The following ANKRD36C variants were observed in gnomAD, a reference collection of about 807,000 sequenced individuals.
ANKRD36C encodes ankyrin repeat domain 36C, also known as ankyrin repeat domain-containing protein 36C.
Under a neutral mutation model 276.4 loss-of-function variants are expected in ANKRD36C, and 61 were observed. The observed-to-expected ratio is 0.22, with a 90% CI of 0.18 to 0.27. ANKRD36C has a LOEUF of 0.27. Ranked by LOEUF, ANKRD36C falls within the 10% of genes least tolerant of loss-of-function variation. ANKRD36C has a pLI of 1.00. For synonymous variants in ANKRD36C, 483 were observed against 680.1 expected (o/e 0.71, Z 4.51); for missense variants, 1,447 against 2,032.3 (o/e 0.71, Z 5.54).
exon 1 of ANKRD36C, chr2:95,991,533 T>C (rs1679139500): frequency 1.9e-6 from 3 of 1,608,536 alleles, no homozygotes; most frequent in South Asian, 1.1e-5. Flanking sequence ...GTCTCTCTTA[T>C]TGATGTCATA....
chr2:95,985,143 T>C (rs548956189), intron 3 of ANKRD36C, among the ~76,000 whole-genome samples: 3 of 152,298 alleles, frequency 2.0e-5, no homozygotes, highest in African/African-American at 7.2e-5. Flanking sequence ...GAGTCCACAA[T>C]AGCAAATTTC....
chr2:95,859,875 T>G, exon 61 of ANKRD36C: 7 of 1,549,592 alleles, frequency 4.5e-6, no homozygotes, highest in Non-Finnish European at 5.2e-6. Context: ...AACTACAGAG[T>G]TCTTTTTCCA....
At chr2:95,855,145 T>C (rs1675378792) in intron 63 of ANKRD36C, 121 bp downstream of exon 83, 2 of 1,350,942 alleles carry the variant, frequency 1.5e-6, no homozygotes, top group African/African-American at 1.5e-5. Context: ...TCTAAGCAGA[T>C]ATATTTATCA....
intron 1 of ANKRD36C, among the ~76,000 whole-genome samples, chr2:95,990,949 A>G (rs1241974718): frequency 6.6e-6 from 1 of 152,182 alleles, no homozygotes; most frequent in Non-Finnish European, 1.5e-5. Flanking sequence ...AAAATGATTT[A>G]TAAAGAAGCA....
At position 95,929,508 on chromosome 2, in the gene ANKRD36C, T is replaced by A. The variant is rs574561791; in HGVS notation, c.1736-241A>T. Reference sequence around the variant, plus strand: ...TTCAAATGTGATATGACTTTCTCCATATGTCTAAAACTAAGATAAAACCAT... The same window carrying A: ...TTCAAATGTGATATGACTTTCTCCAAATGTCTAAAACTAAGATAAAACCAT... On this transcript the variant is annotated intron_variant, in intron 24 of 66. Coordinates refer to ENST00000456556, the Ensembl canonical transcript of ANKRD36C. 1.9e-4 allele frequency among the ~76,000 whole-genome samples: 29 copies of A among 151,644 alleles called. No individual in the cohort carries two copies. The East Asian group carries it at 5.7e-3, about 30-fold the overall frequency.
intron 33 of ANKRD36C, 46 bp from the exon 34 acceptor site, chr2:95,921,725 G>A (rs774564199): frequency 5.7e-6 from 9 of 1,587,732 alleles, no homozygotes; most frequent in Non-Finnish European, 7.7e-6. Flanking sequence ...AATAAATGAA[G>A]CATGTTTCAT....
chr2:95,955,419 G>T (rs1331547486), intron 13 of ANKRD36C, among the ~76,000 whole-genome samples: 1 of 152,098 alleles, frequency 6.6e-6, no homozygotes, highest in Non-Finnish European at 1.5e-5. Flanking sequence ...TTTCTTGATA[G>T]CTCCCAACAT....
intron 58 of ANKRD36C, among the ~76,000 whole-genome samples, chr2:95,878,132 C>T (rs563778240): frequency 0.024 from 3,410 of 144,708 alleles, 129 homozygotes; most frequent in African/African-American, 0.084. Flanking sequence ...TGCAGTGAGC[C>T]GAGATTGTGC....
In ANKRD36C at chr2:95,885,485, AT is replaced by A. The variant is rs548551931; in HGVS notation, c.3163+562del. The stretch of plus-strand genomic sequence containing the variant: ...CAAAATTTAATATTCTTTTATGCAA[AT>A]ATTCCAAATTTATCTGAAGTGAGTT... On this transcript the variant is annotated intron_variant, in intron 52 of 66. Transcript: ENST00000456556. Among the ~76,000 whole-genome samples the A allele has an allele frequency of 1.0e-3, 154 of 151,256 alleles. 1 individual carries two copies. Among genetic ancestry groups the A allele is most frequent in the South Asian group, 2.1e-3 (10 of 4,792 alleles).
chr2:95,908,427 C>T lies in ANKRD36C; in HGVS notation c.2653+3817G>A, dbSNP rs979078199. 5.7e-5 allele frequency: 74 copies of T among 1,288,578 alleles called. 1 individual carries two copies. Among genetic ancestry groups the T allele is most frequent in the South Asian group, 5.5e-5 (4 of 72,904 alleles). The allele number at this position is 1,288,578 out of a possible 1,614,324, so 79.8% of individuals were successfully genotyped here. A position where few individuals can be genotyped will look rare whatever the true frequency, so the allele number is the denominator to read the frequency against. ...GAATGTGCAGCTTCAACGAGCCCCC[C>T]GCTGATTTATTCACGGAAGAGAATT... is the stretch of plus-strand genomic sequence containing the variant. On this transcript the variant is annotated intron_variant, in intron 42 of 66. Coordinates refer to ENST00000456556, the Ensembl canonical transcript of ANKRD36C.
intron 19 of ANKRD36C, among the ~76,000 whole-genome samples, chr2:95,942,374 A>G (rs1383650970): frequency 1.3e-5 from 2 of 151,776 alleles, no homozygotes; most frequent in Admixed American, 6.6e-5. Context: ...TTTCTGGAAT[A>G]TTATGGTCAT....
At chr2:95,873,093 G>C (rs978948134) in intron 59 of ANKRD36C, among the ~76,000 whole-genome samples, 2 of 152,170 alleles carry the variant, frequency 1.3e-5, no homozygotes, top group Non-Finnish European at 2.9e-5. Flanking sequence ...GAGGTACAAG[G>C]AGGAAGTGAT....
intron 59 of ANKRD36C, among the ~76,000 whole-genome samples, chr2:95,874,789 G>A (rs574921259): frequency 6.6e-6 from 1 of 152,250 alleles, no homozygotes; most frequent in African/African-American, 2.4e-5. Context: ...ATCTGACGAA[G>A]GACTAATATC....
chr2:95,954,752 A>G (rs1678287759), intron 13 of ANKRD36C, among the ~76,000 whole-genome samples: 1 of 152,192 alleles, frequency 6.6e-6, no homozygotes, highest in African/African-American at 2.4e-5. Context: ...CAAGCTTAAG[A>G]ACCTTCATAG....
intron 63 of ANKRD36C, among the ~76,000 whole-genome samples, chr2:95,854,366 C>A (rs1187891380): frequency 1.4e-4 from 21 of 151,526 alleles, no homozygotes; most frequent in Non-Finnish European, 2.9e-4. Context: ...CGCCCTGACT[C>A]AGCTGCTATA....
intron 5 of ANKRD36C, among the ~76,000 whole-genome samples, chr2:95,979,745 A>T (rs62155510): frequency 0.33 from 49,392 of 151,772 alleles, 9,325 homozygotes; most frequent in East Asian, 0.48. Context: ...ACAGTTTAGA[A>T]CTATCCCAAC....
exon 5 of ANKRD36C, chr2:95,980,702 C>T (rs753340646): frequency 3.3e-5 from 54 of 1,612,446 alleles, no homozygotes; most frequent in Non-Finnish European, 4.2e-5. Flanking sequence ...ATACACATCT[C>T]GAGAAAACAC....
At chr2:95,927,980 G>A (rs966544168) in intron 26 of ANKRD36C, among the ~76,000 whole-genome samples, 10 of 151,624 alleles carry the variant, frequency 6.6e-5, no homozygotes, top group Non-Finnish European at 1.0e-4. Flanking sequence ...TCACACCCAT[G>A]TGGTGTAATA....
At chr2:95,969,572 A>T (rs1678658700) in intron 6 of ANKRD36C, among the ~76,000 whole-genome samples, 1 of 152,186 alleles carries the variant, frequency 6.6e-6, no homozygotes, top group African/African-American at 2.4e-5. Context: ...CTCACTAGTC[A>T]TTGACATAAT....
Sources: allele counts gnomAD v4.1 joint callset (sites outside exome capture counted in the v4.1 genomes callset), GRCh38; gene constraint gnomAD v4.1.1; transcripts MANE v1.5; gene names NCBI Gene and HGNC (gene_info 2026-07-23, HGNC 2026-07-21).